The following GOSR2 variants were observed in gnomAD, a reference collection of about 807,000 sequenced individuals.
The protein encoded by GOSR2 is golgi SNAP receptor complex member 2, also known as 27 kDa Golgi SNARE protein.
In GOSR2, 20 loss-of-function variants were observed where a neutral mutation model predicts 27.9. The observed-to-expected ratio is 0.72, with a 90% CI of 0.50 to 1.04. The LOEUF is 1.04. Among genes scored for constraint, GOSR2 ranks in the 50% least tolerant of loss-of-function variants. GOSR2 has a pLI of 0.00. For missense variants in GOSR2, 261 were observed against 270.5 expected, an observed-to-expected ratio of 0.97 and a Z score of 0.25; for synonymous variants, 91 against 98.8, an observed-to-expected ratio of 0.92 and a Z score of 0.47.
chr17:46,940,780 A>T lies in GOSR2; in HGVS notation c.*2020A>T, dbSNP rs1371820514. 1.3e-6 allele frequency: 2 copies of T among 1,513,272 alleles called. No individual in the cohort carries two copies. The highest frequency in any genetic ancestry group is 4.9e-5 in the East Asian group (2 of 40,638). 93.7% of individuals were successfully genotyped at this position (1,513,272 alleles called of 1,614,324 possible). ...AGAGCCAGTCCTCTAGTTTGGAATA[A>T]AAATTGCAGAGGTGGTTTTTGGGTC... On this transcript the variant is annotated 3_prime_UTR_variant, in exon 6 of 6. Coordinates refer to ENST00000640051, the MANE Select transcript of GOSR2 (RefSeq NM_004287.5).
chr17:46,931,992 A>G, intron 3 of GOSR2, 75 bp from the exon 4 acceptor site: 1 of 1,322,222 alleles, frequency 7.6e-7, no homozygotes, highest in Non-Finnish European at 1.1e-6. Context: ...GTCTTTCCTC[A>G]GTACAAAGCC....
chr17:46,925,062 G>A (rs2086282046), intron 1 of GOSR2, among the ~76,000 whole-genome samples: 1 of 152,192 alleles, frequency 6.6e-6, no homozygotes, highest in Non-Finnish European at 1.5e-5. Flanking sequence ...CAAACAAGGT[G>A]TGTGGAGTGT....
chr17:46,963,082 A>G (rs2091156866), intron 6 of GOSR2, among the ~76,000 whole-genome samples: 1 of 152,242 alleles, frequency 6.6e-6, no homozygotes, highest in South Asian at 2.1e-4. Context: ...CACACTCTCA[A>G]CCACTGCATT....
intron 4 of GOSR2, chr17:46,933,338 A>C (rs954246086): frequency 1.3e-5 from 2 of 152,218 alleles, no homozygotes; most frequent in African/African-American, 4.8e-5. Flanking sequence ...CATCAGCCAT[A>C]CTGTTTTAGA....
chr17:46,954,948 A>G lies in GOSR2; in HGVS notation c.584-11586A>G, dbSNP rs545708624. Among the ~76,000 whole-genome samples the G allele has an allele frequency of 1.2e-3, 183 of 152,302 alleles. 1 individual carries two copies. The highest frequency in any genetic ancestry group is 6.8e-3 in the Middle Eastern group (2 of 294). On this transcript the variant is annotated intron_variant, in intron 6 of 6. Transcript: ENST00000573224. Reference sequence around the variant, plus strand: ...GACAGTGGGGTTTTCTAGATATACAATCATGTCATCTGCAAACAGGGACAA... The same window carrying G: ...GACAGTGGGGTTTTCTAGATATACAGTCATGTCATCTGCAAACAGGGACAA...
chr17:46,957,625 C>T (rs1039500767), intron 6 of GOSR2, among the ~76,000 whole-genome samples: 1 of 152,052 alleles, frequency 6.6e-6, no homozygotes, highest in African/African-American at 2.4e-5. Flanking sequence ...AACAAACAAA[C>T]AAACAAACAA....
chr17:46,967,703 G>A (rs189840591), downstream of GOSR2, among the ~76,000 whole-genome samples: 7 of 152,104 alleles, frequency 4.6e-5, no homozygotes, highest in Admixed American at 4.6e-4. Context: ...TTGAAAACTG[G>A]CTCAAGCATT....
intron 5 of GOSR2, chr17:46,935,625 C>T (rs2088185923): frequency 1.5e-5 from 16 of 1,044,220 alleles, no homozygotes; most frequent in Non-Finnish European, 1.8e-5. Flanking sequence ...CCCCACTGTG[C>T]AGTGTTAGGG....
At chr17:46,943,110 C>T (rs1239355912), downstream of GOSR2, among the ~76,000 whole-genome samples, 4 of 152,190 alleles carry the variant, frequency 2.6e-5, no homozygotes, top group South Asian at 2.1e-4. Context: ...GGTAGGGAGC[C>T]GATGGCTCTA....
Position 46,940,426 on chromosome 17 carries a change from T to C in GOSR2, c.*1666T>C, listed in dbSNP as rs2089102671. ...ATCTTTAGACCTAGATCTGTCTAAC[T>C]CTGGGGAGGCACATTGACATTTCCA... On this transcript the variant is annotated 3_prime_UTR_variant, in exon 6 of 6. Transcript: ENST00000640051. 2 of 1,599,910 alleles carry C rather than the reference T, an allele frequency of 1.3e-6. No individual in the cohort carries two copies. The highest frequency in any genetic ancestry group is 8.5e-7 in the Non-Finnish European group (1 of 1,177,818).
chr17:46,946,530 C>G (rs2089912048), downstream of GOSR2, among the ~76,000 whole-genome samples: 2 of 149,024 alleles, frequency 1.3e-5, no homozygotes, highest in African/African-American at 2.5e-5. Context: ...AGAAATAGCT[C>G]AAGCTCAGTA....
Position 46,939,692 on chromosome 17 carries a change from A to G in GOSR2, c.*932A>G, listed in dbSNP as rs2088987758. 2 of 985,540 alleles carry G rather than the reference A, an allele frequency of 2.0e-6. No homozygotes were observed. Among genetic ancestry groups the G allele is most frequent in the Non-Finnish European group, 2.4e-6 (2 of 830,126 alleles). 61.0% of individuals were successfully genotyped at this position (985,540 alleles called of 1,614,324 possible). ...TGCCAGCCAGGCCCTCATTTTGCCC[A>G]GCCAGTGTGGGCAGATCCCACCGTG... On this transcript the variant is annotated 3_prime_UTR_variant, in exon 6 of 6. Transcript: ENST00000640051.
chr17:46,963,127 C>A (rs948608462), intron 6 of GOSR2, among the ~76,000 whole-genome samples: 1 of 152,214 alleles, frequency 6.6e-6, no homozygotes, highest in African/African-American at 2.4e-5. Flanking sequence ...GGATGAAAAA[C>A]ACAAGACATT....
At chr17:46,951,888 T>C (rs2090378674) in intron 6 of GOSR2, among the ~76,000 whole-genome samples, 1 of 151,738 alleles carries the variant, frequency 6.6e-6, no homozygotes, top group Non-Finnish European at 1.5e-5. Flanking sequence ...CCTCGCTGCT[T>C]CTCCCCCCCA....
intron 5 of GOSR2, chr17:46,936,219 CCTTT>C (rs549630560): frequency 8.1e-6 from 8 of 985,308 alleles, no homozygotes; most frequent in Non-Finnish European, 9.6e-6. Flanking sequence ...ATTAGTCTGC[CCTTT>C]CTTTAGAAAA....
At chr17:46,947,793 A>G (rs2090029746) in intron 6 of GOSR2, among the ~76,000 whole-genome samples, 2 of 152,018 alleles carry the variant, frequency 1.3e-5, no homozygotes, top group Admixed American at 1.3e-4. Context: ...TTTGAGATGG[A>G]GTTTCACTCT....
Position 46,941,873 on chromosome 17 carries a change from A to C in GOSR2, c.*3113A>C. ...AGTTCTAGGGTTACAGGTGTTAGCCACTGTACCTGGCCTCTAAGGTGATTC... is the reference window on the plus strand; with the variant it reads ...AGTTCTAGGGTTACAGGTGTTAGCCCCTGTACCTGGCCTCTAAGGTGATTC... On this transcript the variant is annotated 3_prime_UTR_variant, in exon 6 of 6. Transcript: ENST00000640051. 1 of 962,378 alleles carries C rather than the reference A, an allele frequency of 1.0e-6. No homozygotes were observed. The highest frequency in any genetic ancestry group is 1.2e-6 in the Non-Finnish European group (1 of 809,084). The allele number at this position is 962,378 out of a possible 1,614,324, so 59.6% of individuals were successfully genotyped here. A position where few individuals can be genotyped will look rare whatever the true frequency, so the allele number is the denominator to read the frequency against.
At chr17:46,954,095 C>T (rs1341485938) in intron 6 of GOSR2, among the ~76,000 whole-genome samples, 1 of 152,206 alleles carries the variant, frequency 6.6e-6, no homozygotes, top group African/African-American at 2.4e-5. Context: ...GTGTTTTAGA[C>T]ATGAAGTCCT....
chr17:46,963,875 A>C (rs2091202718), intron 6 of GOSR2: 1 of 152,194 alleles, frequency 6.6e-6, no homozygotes, highest in Non-Finnish European at 1.5e-5. Flanking sequence ...GGAGTGCAAT[A>C]GCACAATAAG....
Sources: allele counts gnomAD v4.1 joint callset (sites outside exome capture counted in the v4.1 genomes callset), GRCh38; gene constraint gnomAD v4.1.1; transcripts MANE v1.5; gene names NCBI Gene and HGNC (gene_info 2026-07-23, HGNC 2026-07-21).